Variants in CSMD3 observed in about 807,000 individuals in gnomAD.
CSMD3 encodes the protein CUB and sushi domain-containing protein 3.
A neutral mutation model predicts 435.2 loss-of-function variants in CSMD3; 177 were observed. That is an observed-to-expected ratio of 0.41 (90% CI 0.36 to 0.46). The LOEUF is 0.46. CSMD3 is among the 20% of genes least tolerant of loss of function. CSMD3 has a pLI of 0.34. For synonymous variants in CSMD3, 1,656 were observed against 1,520.5 expected (o/e 1.09, Z -2.07); for missense variants, 4,265 against 4,504.6 (o/e 0.95, Z 1.52).
chr8:112,610,334 T>TA lies in CSMD3; in HGVS notation c.3716-23100dup, dbSNP rs78145810. 3.6e-3 allele frequency among the ~76,000 whole-genome samples: 523 copies of TA among 145,540 alleles called. 1 individual carries two copies. The highest frequency in any genetic ancestry group is 7.0e-3 in the South Asian group (32 of 4,566). On this transcript the variant is annotated intron_variant, in intron 22 of 70. Transcript: ENST00000297405. ...AATTATACCTCAGTAAAGCTAAAAT[T>TA]AAAAAAAAAAAACCCACAATGTTAA...
Position 112,305,993 on chromosome 8 carries a change from C to T in CSMD3, c.8071+14G>A, listed in dbSNP as rs1586719599. On this transcript the variant is annotated intron_variant, in intron 51 of 70. Coordinates refer to ENST00000297405, the MANE Select transcript of CSMD3 (RefSeq NM_198123.2). Reference sequence around the variant, plus strand: ...AGAGAAAAACAAGTGATGAAATTCCCTTGACACACATACCAACACAGCGAG... The same window carrying T: ...AGAGAAAAACAAGTGATGAAATTCCTTTGACACACATACCAACACAGCGAG... 1 of 1,608,572 alleles carries T rather than the reference C, an allele frequency of 6.2e-7. No homozygotes were observed. Among genetic ancestry groups the T allele is most frequent in the Non-Finnish European group, 8.5e-7 (1 of 1,175,106 alleles).
At chr8:112,747,962 CAAAAAAAAAA>C (rs71309788) in intron 13 of CSMD3, among the ~76,000 whole-genome samples, 7 of 96,778 alleles carry the variant, frequency 7.2e-5, no homozygotes, top group Middle Eastern at 5.4e-3. Flanking sequence ...GACTCCGTCT[CAAAAAAAAAA>C]AAAAAAAAAA....
intron 37 of CSMD3, among the ~76,000 whole-genome samples, chr8:112,382,289 T>G (rs1029654638): frequency 9.4e-5 from 6 of 63,810 alleles, no homozygotes; most frequent in Admixed American, 3.8e-4. Flanking sequence ...GTCTCTAAAA[T>G]GCAAAAAAAA....
At chr8:112,776,265 G>C (rs920963345) in intron 13 of CSMD3, among the ~76,000 whole-genome samples, 14 of 151,658 alleles carry the variant, frequency 9.2e-5, no homozygotes, top group African/African-American at 3.4e-4. Flanking sequence ...CTTACCCAAT[G>C]TTGCTTTTTA....
At chr8:113,263,945 C>A (rs2093447563) in intron 3 of CSMD3, among the ~76,000 whole-genome samples, 1 of 151,200 alleles carries the variant, frequency 6.6e-6, no homozygotes, top group African/African-American at 2.4e-5. Context: ...TGTATAGCCA[C>A]CATATTAAAA....
At chr8:112,237,506 A>AT (rs1813698820) in intron 66 of CSMD3, among the ~76,000 whole-genome samples, 158 bp from the exon 67 acceptor site, 1 of 152,098 alleles carries the variant, frequency 6.6e-6, no homozygotes, top group African/African-American at 2.4e-5. Context: ...AAATGTTTCC[A>AT]TTTTTTAGAA....
At chr8:112,655,973 C>G (rs2075247411) in intron 18 of CSMD3, among the ~76,000 whole-genome samples, 181 bp downstream of exon 18, 1 of 151,892 alleles carries the variant, frequency 6.6e-6, no homozygotes, top group South Asian at 2.1e-4. Flanking sequence ...ATAGATATTG[C>G]TGGAAAATCT....
intron 5 of CSMD3, among the ~76,000 whole-genome samples, chr8:113,053,928 T>C (rs913268818): frequency 1.8e-4 from 28 of 152,184 alleles, no homozygotes; most frequent in Admixed American, 1.8e-3. Context: ...CATGTTATTT[T>C]CTCCAGCAAA....
At chr8:113,156,748 A>ATAAATAAATAATTAAT (rs560700190) in intron 4 of CSMD3, among the ~76,000 whole-genome samples, 2 of 147,354 alleles carry the variant, frequency 1.4e-5, no homozygotes, top group Admixed American at 1.4e-4. Flanking sequence ...AAATAAATAA[A>ATAAATAAATAATTAAT]TAAATAAATA....
At chr8:112,743,205 C>G (rs1284002090) in intron 13 of CSMD3, among the ~76,000 whole-genome samples, 2 of 151,136 alleles carry the variant, frequency 1.3e-5, no homozygotes, top group East Asian at 1.9e-4. Context: ...TCTTAAGAGA[C>G]AAAAGCAATT....
At chr8:112,509,823 C>A (rs903851746) in intron 28 of CSMD3, among the ~76,000 whole-genome samples, 1 of 152,108 alleles carries the variant, frequency 6.6e-6, no homozygotes, top group South Asian at 2.1e-4. Context: ...AATTTTTATA[C>A]CCTGATAACA....
In CSMD3 at chr8:112,441,790, A is replaced by G. The variant is rs1459077512; in HGVS notation, c.5395+30801T>C. Among the ~76,000 whole-genome samples, 4 of 152,250 alleles carry G rather than the reference A, an allele frequency of 2.6e-5. No individual in the cohort carries two copies. The East Asian group carries it at 7.8e-4, about 30-fold the overall frequency. ...TGTCATGAGAACTCACTATCCTGAG[A>G]ACAGCCAGGGGGACCCCCCACCACC... On this transcript the variant is annotated intron_variant, in intron 32 of 70. Coordinates refer to ENST00000297405, the MANE Select transcript of CSMD3 (RefSeq NM_198123.2).
intron 41 of CSMD3, among the ~76,000 whole-genome samples, chr8:112,342,987 TTA>T (rs1169036495): frequency 8.5e-5 from 4 of 47,288 alleles, no homozygotes; most frequent in South Asian, 1.5e-3. Context: ...ATATATATAT[TTA>T]TATATATATA....
chr8:112,430,271 G>T (rs1346028478), intron 32 of CSMD3, among the ~76,000 whole-genome samples: 1 of 151,864 alleles, frequency 6.6e-6, no homozygotes, highest in African/African-American at 2.4e-5. Flanking sequence ...CAAAAAAACA[G>T]ATTAAGTGGG....
At chr8:112,391,489 C>T (rs149146568) in intron 35 of CSMD3, among the ~76,000 whole-genome samples, 1,542 of 152,076 alleles carry the variant, frequency 0.01, 35 homozygotes, top group African/African-American at 0.035. Flanking sequence ...GTCGGGAGTT[C>T]GAGACCAGCC....
intron 60 of CSMD3, among the ~76,000 whole-genome samples, chr8:112,265,079 G>C (rs1318488383): frequency 6.6e-6 from 1 of 151,806 alleles, no homozygotes; most frequent in African/African-American, 2.4e-5. Flanking sequence ...GCAAATTACA[G>C]TTATAATTCA....
At chr8:113,246,566 A>G (rs534770489) in intron 3 of CSMD3, among the ~76,000 whole-genome samples, 1 of 152,218 alleles carries the variant, frequency 6.6e-6, no homozygotes, top group Admixed American at 6.6e-5. Context: ...TAAGTCCAAT[A>G]TCTGTAATTT....
At chr8:112,506,163 T>C (rs977915501) in intron 29 of CSMD3, among the ~76,000 whole-genome samples, 2 of 152,154 alleles carry the variant, frequency 1.3e-5, no homozygotes, top group Non-Finnish European at 2.9e-5. Flanking sequence ...AATAAAATTT[T>C]ATTTATTTAC....
chr8:112,662,138 C>T (rs894292065), intron 17 of CSMD3, among the ~76,000 whole-genome samples: 9 of 152,134 alleles, frequency 5.9e-5, no homozygotes, highest in Non-Finnish European at 1.2e-4. Flanking sequence ...ATCAAGCTAC[C>T]GATGACTTTC....
Sources: gnomAD v4.1 joint callset for allele counts (sites outside exome capture counted in the v4.1 genomes callset) on GRCh38, gnomAD v4.1.1 for gene constraint, MANE v1.5 for transcripts, NCBI Gene and HGNC (gene_info 2026-07-23, HGNC 2026-07-21) for gene names.